Variants in GRM8 observed in about 807,000 individuals in gnomAD.
GRM8 encodes metabotropic glutamate receptor 8.
A neutral mutation model predicts 87.2 loss-of-function variants in GRM8; 47 were observed. The observed-to-expected ratio is 0.54, with a 90% CI of 0.43 to 0.69. GRM8 has a LOEUF of 0.69. Ranked by LOEUF, GRM8 falls within the 30% of genes least tolerant of loss-of-function variation. GRM8 has a pLI of 0.00. For missense variants in GRM8, 1,019 were observed against 1,139.2 expected, an observed-to-expected ratio of 0.89 and a Z score of 1.52; for synonymous variants, 396 against 404.5, an observed-to-expected ratio of 0.98 and a Z score of 0.25.
chr7:126,770,064 C>A lies in GRM8; in HGVS notation c.1158G>T (p.Gly386=). The A allele has an allele frequency of 6.2e-7, 1 of 1,607,160 alleles. No individual in the cohort carries two copies. Among genetic ancestry groups the A allele is most frequent in the Non-Finnish European group, 8.5e-7 (1 of 1,175,380 alleles). The change falls in exon 7 of 11, where the codon GGG becomes GGT. Residue 386 remains glycine, a splice_region_variant and synonymous_variant. Coordinates refer to ENST00000339582, the MANE Select transcript of GRM8 (RefSeq NM_000845.3). The stretch of plus-strand genomic sequence containing the variant: ...ATGAATCCCGAGCAATTCGCTCCAG[C>A]CCTGCAAAATAAAAAAGTAAAAACC... ...KRNSHIKKCT[G]LERIARDSSY...
intron 2 of GRM8, among the ~76,000 whole-genome samples, chr7:127,140,898 T>C (rs967579395): frequency 1.3e-5 from 2 of 152,148 alleles, no homozygotes; most frequent in Non-Finnish European, 2.9e-5. Flanking sequence ...TGTGTTTTTT[T>C]CCCTACACTT....
intron 2 of GRM8, among the ~76,000 whole-genome samples, chr7:127,148,889 A>G (rs1450370884): frequency 5.9e-5 from 9 of 152,036 alleles, no homozygotes; most frequent in Admixed American, 2.0e-4. Flanking sequence ...TTCCACATGG[A>G]AAAGAATGAA....
chr7:126,550,942 A>T (rs1792520595), intron 8 of GRM8, among the ~76,000 whole-genome samples: 1 of 151,816 alleles, frequency 6.6e-6, no homozygotes. Flanking sequence ...AAGAGAGGAA[A>T]AAACTCAAAT....
intron 3 of GRM8, among the ~76,000 whole-genome samples, chr7:126,912,371 C>T (rs922595216): frequency 5.1e-4 from 77 of 152,190 alleles, no homozygotes; most frequent in African/African-American, 1.8e-3. Context: ...ACTGCTTGAG[C>T]TGGGACATTG....
chr7:127,160,866 C>A (rs925981894), intron 2 of GRM8, among the ~76,000 whole-genome samples: 1 of 150,062 alleles, frequency 6.7e-6, no homozygotes, highest in Admixed American at 6.7e-5. Flanking sequence ...GCACCCACCT[C>A]GACTGAGCTC....
chr7:126,440,410 CAAAAAAAAA>C (rs35828454), intron 10 of GRM8, among the ~76,000 whole-genome samples: 2 of 75,446 alleles, frequency 2.7e-5, no homozygotes, highest in East Asian at 4.1e-4. Context: ...GACTCCATCT[CAAAAAAAAA>C]AAAAAAAAAA....
At chr7:126,811,841 G>A (rs1190098768) in intron 6 of GRM8, among the ~76,000 whole-genome samples, 1 of 151,678 alleles carries the variant, frequency 6.6e-6, no homozygotes, top group East Asian at 1.9e-4. Context: ...TTTCCAGTTT[G>A]AATGTCTTTT....
chr7:127,249,784 G>A (rs1186035376), intron 1 of GRM8, among the ~76,000 whole-genome samples: 4 of 152,162 alleles, frequency 2.6e-5, no homozygotes, highest in East Asian at 1.9e-4. Flanking sequence ...TGAAGTGGCC[G>A]TCCCTATTGA....
At chr7:126,831,051 C>T (rs1795314468) in intron 6 of GRM8, among the ~76,000 whole-genome samples, 1 of 152,292 alleles carries the variant, frequency 6.6e-6, no homozygotes, top group Non-Finnish European at 1.5e-5. Context: ...GCTGTCTGAT[C>T]GTTCCCCTGG....
chr7:126,594,967 T>C (rs62477879), intron 8 of GRM8, among the ~76,000 whole-genome samples: 46,917 of 151,952 alleles, frequency 0.31, 8,126 homozygotes, highest in East Asian at 0.44. Flanking sequence ...TTTACAGGTG[T>C]CCTTTAAAGG....
chr7:126,445,302 A>G (rs1013012786), intron 10 of GRM8: 2 of 152,060 alleles, frequency 1.3e-5, no homozygotes, highest in African/African-American at 4.8e-5. Flanking sequence ...AATGTTTACC[A>G]TATTCAGCTT....
chr7:127,068,650 G>C (rs773426552), intron 3 of GRM8, among the ~76,000 whole-genome samples: 1 of 152,228 alleles, frequency 6.6e-6, no homozygotes, highest in Non-Finnish European at 1.5e-5. Flanking sequence ...CTTGATGCAA[G>C]AGCAACAGGA....
chr7:126,631,583 C>T (rs1410878328), intron 7 of GRM8, among the ~76,000 whole-genome samples: 3 of 151,536 alleles, frequency 2.0e-5, no homozygotes, highest in South Asian at 2.1e-4. Context: ...GCAAGACAAT[C>T]GTAAGAAAAA....
intron 8 of GRM8, among the ~76,000 whole-genome samples, chr7:126,560,711 A>C (rs866264052): frequency 7.2e-5 from 11 of 152,310 alleles, no homozygotes; most frequent in South Asian, 2.1e-4. Flanking sequence ...ATCATTTTGA[A>C]GTACTAGCAT....
intron 7 of GRM8, among the ~76,000 whole-genome samples, chr7:126,634,718 T>TA (rs1801679382): frequency 6.6e-6 from 1 of 152,102 alleles, no homozygotes; most frequent in African/African-American, 2.4e-5. Flanking sequence ...TCATCTCCAC[T>TA]GAAATGATTA....
chr7:127,150,368 G>C (rs1828788142), intron 2 of GRM8, among the ~76,000 whole-genome samples: 1 of 152,070 alleles, frequency 6.6e-6, no homozygotes, highest in South Asian at 2.1e-4. Flanking sequence ...CAGTGGAACA[G>C]GAGCACATGG....
At chr7:126,765,586 C>T (rs1049762180) in intron 7 of GRM8, among the ~76,000 whole-genome samples, 1 of 151,996 alleles carries the variant, frequency 6.6e-6, no homozygotes, top group African/African-American at 2.4e-5. Context: ...TGATTCTATA[C>T]AAGATGTACA....
chr7:127,225,522 A>G (rs896585499), intron 2 of GRM8, among the ~76,000 whole-genome samples: 5 of 151,878 alleles, frequency 3.3e-5, no homozygotes, highest in African/African-American at 1.2e-4. Context: ...GTCTTTGAGA[A>G]TGATCTGATG....
At chr7:126,580,271 T>C (rs1018926746) in intron 8 of GRM8, among the ~76,000 whole-genome samples, 4 of 152,140 alleles carry the variant, frequency 2.6e-5, no homozygotes, top group Non-Finnish European at 5.9e-5. Flanking sequence ...AATTTTCTTT[T>C]TAAATAGGAC....
Sources: allele counts gnomAD v4.1 joint callset (sites outside exome capture counted in the v4.1 genomes callset), GRCh38; gene constraint gnomAD v4.1.1; transcripts MANE v1.5; gene names NCBI Gene and HGNC (gene_info 2026-07-23, HGNC 2026-07-21).